Variants in NISCH observed in about 807,000 individuals in gnomAD.
NISCH encodes the protein I-1 receptor candidate protein.
Under a neutral mutation model 138.4 loss-of-function variants are expected in NISCH, and 55 were observed. The observed-to-expected ratio is 0.40, with a 90% confidence interval of 0.32 to 0.50. The LOEUF is 0.50. NISCH is among the 20% of genes least tolerant of loss of function. NISCH has a pLI of 0.71. For missense variants in NISCH, 1,643 were observed against 2,005.5 expected, an observed-to-expected ratio of 0.82 and a Z score of 3.45; for synonymous variants, 860 against 861.5, an observed-to-expected ratio of 1.00 and a Z score of 0.03.
chr3:52,480,315 G>T lies in NISCH; in HGVS notation c.1528+20G>T. The T allele has an allele frequency of 6.2e-7, 1 of 1,613,414 alleles. No homozygotes were observed. The highest frequency in any genetic ancestry group is 8.5e-7 in the Non-Finnish European group (1 of 1,179,936). On this transcript the variant is annotated intron_variant, in intron 13 of 20. Transcript: ENST00000345716. Reference sequence around the variant, plus strand: ...ACCAAGGTAATCGTGTATGTATCTTGCTTCTAGTGGAGCCACACAGCCCTG... The same window carrying T: ...ACCAAGGTAATCGTGTATGTATCTTTCTTCTAGTGGAGCCACACAGCCCTG...
In NISCH at chr3:52,491,458, C is replaced by T. The variant is rs779513057; in HGVS notation, c.3849C>T (p.Pro1283=). 6.2e-7 allele frequency: 1 copy of T among 1,613,468 alleles called. No homozygotes were observed. The highest frequency in any genetic ancestry group is 8.5e-7 in the Non-Finnish European group (1 of 1,179,974). The change falls in exon 20 of 21, where the codon CCC becomes CCT. Residue 1283 remains proline (P), a synonymous_variant. Transcript: ENST00000345716. The part of the protein sequence containing the change: ...MVVLSSLERT[P]SPEPVDKDFY... ...TGCTGTCCTCTCTGGAACGCACGCC[C>T]TCGCCGGAGCCTGTTGACAAGGACT...
At chr3:52,463,714 CTTTTT>C (rs71084184) in intron 3 of NISCH, among the ~76,000 whole-genome samples, 1 of 41,402 alleles carries the variant, frequency 2.4e-5, no homozygotes, top group African/African-American at 1.2e-4. Context: ...TATTGAACCT[CTTTTT>C]TTTTTTTTTT....
chr3:52,472,114 C>A, intron 5 of NISCH, 137 bp downstream of exon 5: 2 of 1,070,312 alleles, frequency 1.9e-6, no homozygotes, highest in Non-Finnish European at 2.7e-6. Context: ...TTATTCTTGG[C>A]ACTATGCTTC....
chr3:52,491,482 C>G lies in NISCH; in HGVS notation c.3873C>G (p.Asp1291Glu), dbSNP rs1289479392. ...RTPSPEPVDK[D>E]FYSEFGNKTT... ...CCTCGCCGGAGCCTGTTGACAAGGA[C>G]TTCTACTCCGAGTTTGGGAACAAGA... Residue 1291 changes from aspartate to glutamate, a missense_variant, in exon 20 of 21, where the codon GAC becomes GAG. By Grantham distance (45) the Asp-to-Glu change is conservative. Coordinates refer to ENST00000345716, the MANE Select transcript of NISCH (RefSeq NM_007184.4). 1 of 1,613,190 alleles carries G rather than the reference C, an allele frequency of 6.2e-7. No homozygotes were observed.
chr3:52,490,982 A>G (rs1578315694), intron 19 of NISCH, 149 bp downstream of exon 19: 5 of 1,160,476 alleles, frequency 4.3e-6, no homozygotes, highest in Non-Finnish European at 6.2e-6. Flanking sequence ...AAGCAGCTTC[A>G]GGAACTGCTG....
intron 13 of NISCH, among the ~76,000 whole-genome samples, chr3:52,482,688 G>T (rs1180070175): frequency 6.6e-6 from 1 of 152,220 alleles, no homozygotes; most frequent in Non-Finnish European, 1.5e-5. Context: ...ATTCGAGATG[G>T]AGTCGTGGAA....
chr3:52,485,820 G>A lies in NISCH; in HGVS notation c.1696G>A (p.Gly566Ser). 2 of 1,579,006 alleles carry A rather than the reference G, an allele frequency of 1.3e-6. No individual in the cohort carries two copies. The highest frequency in any genetic ancestry group is 1.7e-4 in the Middle Eastern group (1 of 6,024). ...AAGGGACGTGCCAGGAGCTGTTGGT[G>A]GTGCAAGGTAAGGAAGAGGTTGGAA... ...DLRDVPGAVG[G>S]ASPEHAEPEV... The change falls in exon 15 of 21, where the codon GGT becomes AGT. Residue 566 changes from glycine to serine, a missense_variant. Coordinates refer to ENST00000345716, the MANE Select transcript of NISCH (RefSeq NM_007184.4).
chr3:52,477,552 G>A (rs1031323493), intron 8 of NISCH, 22 bp from the exon 9 acceptor site: 9 of 1,606,764 alleles, frequency 5.6e-6, no homozygotes, highest in South Asian at 2.2e-5. Context: ...CAGTAACATC[G>A]GGTGTTCTTT....
intron 13 of NISCH, among the ~76,000 whole-genome samples, chr3:52,484,044 C>A (rs1222977877): frequency 1.3e-5 from 2 of 152,248 alleles, no homozygotes; most frequent in East Asian, 1.9e-4. Context: ...GCTGGCCGTT[C>A]TTCTGCGGAA....
Position 52,457,939 on chromosome 3 carries a change from A to T in NISCH, c.177+13A>T. The T allele has an allele frequency of 6.3e-7, 1 of 1,593,302 alleles. No individual in the cohort carries two copies. The highest frequency in any genetic ancestry group is 1.7e-5 in the Admixed American group (1 of 59,824). ...CCTGCATGAAAAGGTAACTGTTAAG[A>T]GCTGGGAGCACGTATCTCAGGGCTG... On this transcript the variant is annotated intron_variant, in intron 2 of 20. Transcript: ENST00000345716.
chr3:52,476,590 C>G lies in NISCH; in HGVS notation c.909C>G (p.Asp303Glu). ...DLSHNSVSEI[D>E]ESVKLIPKIE... ...GCCACAACAGCGTCTCCGAGATCGA[C>G]GAGTCTGTGGTATGCTCTCAGCAGC... Residue 303 changes from aspartate to glutamate, a missense_variant, in exon 8 of 21, where the codon GAC becomes GAG. By Grantham distance (45) the Asp-to-Glu change is conservative. Coordinates refer to ENST00000345716, the MANE Select transcript of NISCH (RefSeq NM_007184.4). 1 of 1,614,126 alleles carries G rather than the reference C, an allele frequency of 6.2e-7. No individual in the cohort carries two copies. The highest frequency in any genetic ancestry group is 8.5e-7 in the Non-Finnish European group (1 of 1,179,998).
chr3:52,487,519 A>G lies in NISCH; in HGVS notation c.2027A>G (p.Glu676Gly). Residue 676 changes from glutamate to glycine, a missense_variant, in exon 16 of 21, where the codon GAG becomes GGG. Coordinates refer to ENST00000345716, the MANE Select transcript of NISCH (RefSeq NM_007184.4). The surrounding 1 kb of genome is among the most constrained non-coding windows in gnomAD (Gnocchi z 9.1). ...EGGGQGEEEEEEEEDEEAEEE... is the reference protein window; with the variant it reads ...EGGGQGEEEEGEEEDEEAEEE... The stretch of plus-strand genomic sequence containing the variant: ...GGAGGCCAGGGGGAGGAAGAGGAGG[A>G]GGAAGAGGAGGATGAAGAGGCCGAG... The G allele has an allele frequency of 6.2e-7, 1 of 1,605,512 alleles. No homozygotes were observed. Among genetic ancestry groups the G allele is most frequent in the Non-Finnish European group, 8.5e-7 (1 of 1,174,086 alleles).
chr3:52,492,671 C>A lies in NISCH; in HGVS notation c.*189C>A. ...TGTTGGGAGTGAGAATGCCGGGCCC[C>A]TCAGGGCTGTCGGTGTGCTGTCAGC... On this transcript the variant is annotated 3_prime_UTR_variant, in exon 21 of 21. Coordinates refer to ENST00000345716, the MANE Select transcript of NISCH (RefSeq NM_007184.4). 1.2e-6 allele frequency: 1 copy of A among 814,908 alleles called. No homozygotes were observed. The highest frequency in any genetic ancestry group is 1.9e-6 in the Non-Finnish European group (1 of 538,210). 50.5% of individuals were successfully genotyped at this position (814,908 alleles called of 1,614,324 possible).
At chr3:52,466,302 A>C (rs56238537) in intron 3 of NISCH, among the ~76,000 whole-genome samples, 1,959 of 152,232 alleles carry the variant, frequency 0.013, 18 homozygotes, top group Non-Finnish European at 0.022. Flanking sequence ...ATGGTGACTC[A>C]CGCCTGTAAT....
intron 20 of NISCH, 96 bp from the exon 21 acceptor site, chr3:52,491,776 C>A (rs2153231960): frequency 6.9e-7 from 1 of 1,443,772 alleles, no homozygotes; most frequent in East Asian, 2.3e-5. Context: ...CTGCCTGTCT[C>A]ATGCCGGGGT....
At chr3:52,469,406 A>G (rs918316125) in intron 3 of NISCH, among the ~76,000 whole-genome samples, 3 of 152,232 alleles carry the variant, frequency 2.0e-5, no homozygotes, top group Non-Finnish European at 4.4e-5. Flanking sequence ...GTTTTTAGCC[A>G]TGTAAAATTG....
chr3:52,480,994 G>A, intron 13 of NISCH: 1 of 1,436,706 alleles, frequency 7.0e-7, no homozygotes, highest in Non-Finnish European at 9.1e-7. Flanking sequence ...GGGACACGCA[G>A]GAAAGGACGC....
intron 1 of NISCH, 42 bp downstream of exon 1, chr3:52,455,776 G>A: frequency 3.1e-6 from 4 of 1,300,254 alleles, no homozygotes; most frequent in Non-Finnish European, 4.0e-6. Context: ...GGTGGTGGCT[G>A]GAACCGGGAG....
At chr3:52,457,677 G>A (rs1224248084) in intron 1 of NISCH, among the ~76,000 whole-genome samples, 166 bp from the exon 2 acceptor site, 2 of 152,210 alleles carry the variant, frequency 1.3e-5, no homozygotes, top group Non-Finnish European at 2.9e-5. Flanking sequence ...TGCAGAGGCT[G>A]GTGGGCAAGG....
Sources: gnomAD v4.1 joint callset for allele counts (sites outside exome capture counted in the v4.1 genomes callset) on GRCh38, gnomAD v4.1.1 for gene constraint, Gnocchi (gnomAD v3.1) non-coding constraint, MANE v1.5 for transcripts, NCBI Gene and HGNC (gene_info 2026-07-23, HGNC 2026-07-21) for gene names.